The following TNIK variants were observed in gnomAD, a reference collection of about 807,000 sequenced individuals.
TNIK encodes TRAF2 and NCK-interacting protein kinase.
A neutral mutation model predicts 191.3 loss-of-function variants in TNIK; 49 were observed. That is an observed-to-expected ratio of 0.26 (90% CI 0.20 to 0.32). The LOEUF is 0.32. Ranked by LOEUF, TNIK falls within the 10% of genes least tolerant of loss-of-function variation. The pLI, the probability that TNIK is intolerant of heterozygous loss-of-function variation, is 1.00. For missense variants in TNIK, 1,155 were observed against 1,702.3 expected (o/e 0.68, Z 5.66); for synonymous variants, 594 against 600.9 (o/e 0.99, Z 0.17).
At chr3:171,071,876 C>T (rs984126697) in intron 28 of TNIK, among the ~76,000 whole-genome samples, 2 of 152,114 alleles carry the variant, frequency 1.3e-5, no homozygotes, top group African/African-American at 4.8e-5. Context: ...GCTACGAATA[C>T]TGACAAATCC....
Position 171,085,207 on chromosome 3 carries a change from T to C in TNIK, c.2909A>G (p.Lys970Arg), listed in dbSNP as rs376772380. The C allele has an allele frequency of 6.2e-7, 1 of 1,610,664 alleles. No homozygotes were observed. The highest frequency in any genetic ancestry group is 8.5e-7 in the Non-Finnish European group (1 of 1,178,438). The stretch of plus-strand genomic sequence containing the variant: ...GTCCACAAAGGGGGTGAAGGAGGCT[T>C]TGGTGCTGCTCCCCATGCCATACTA... ...GTEYGMGSST[K>R]ASFTPFVDPR... Residue 970 changes from lysine to arginine, a missense_variant, in exon 25 of 33, where the codon AAA becomes AGA. Lys to Arg is a conservative substitution (Grantham distance 26, BLOSUM62 2). Around this residue, in one of 3 missense-constraint regions of TNIK, gnomAD observed 735 missense variants for 848.0 expected, o/e 0.87. Coordinates refer to ENST00000436636, the MANE Select transcript of TNIK (RefSeq NM_015028.4).
At chr3:171,148,448 A>G (rs1332564490) in intron 12 of TNIK, among the ~76,000 whole-genome samples, 25 of 152,250 alleles carry the variant, frequency 1.6e-4, no homozygotes, top group Admixed American at 1.6e-3. Flanking sequence ...ACAGAGGAGC[A>G]AGAATGGCCT....
chr3:171,325,837 G>A (rs774240579), intron 2 of TNIK, among the ~76,000 whole-genome samples: 4 of 152,172 alleles, frequency 2.6e-5, no homozygotes, highest in Non-Finnish European at 4.4e-5. Flanking sequence ...CATAGTACTC[G>A]GGGGAACCTG....
intron 2 of TNIK, among the ~76,000 whole-genome samples, chr3:171,349,576 A>G (rs534293163): frequency 6.6e-6 from 1 of 152,310 alleles, no homozygotes; most frequent in South Asian, 2.1e-4. Flanking sequence ...AGTGTCACAC[A>G]ATTAGATTGT....
intron 12 of TNIK, among the ~76,000 whole-genome samples, chr3:171,151,871 G>A (rs1274252030): frequency 3.3e-5 from 5 of 152,178 alleles, no homozygotes; most frequent in Non-Finnish European, 5.9e-5. Flanking sequence ...AGGAGCATTT[G>A]GAAGAAGCTA....
intron 2 of TNIK, among the ~76,000 whole-genome samples, chr3:171,235,352 C>G (rs1577203352): frequency 6.6e-6 from 1 of 152,252 alleles, no homozygotes; most frequent in South Asian, 2.1e-4. Context: ...TCATCTGTGG[C>G]TTTCATACAT....
intron 14 of TNIK, among the ~76,000 whole-genome samples, chr3:171,139,009 G>A (rs1576933728): frequency 6.6e-6 from 1 of 152,130 alleles, no homozygotes; most frequent in South Asian, 2.1e-4. Flanking sequence ...GACACAAAAT[G>A]TTCCCATCGT....
intron 4 of TNIK, among the ~76,000 whole-genome samples, chr3:171,202,247 CAATTTTGTCCAAAGATCCAATCATAG>C (rs1739511480): frequency 6.6e-6 from 1 of 151,794 alleles, no homozygotes; most frequent in Non-Finnish European, 1.5e-5. Flanking sequence ...CACTACATGT[CAATTTTGTCCAAAGATCCAATCATAG>C]AAGCTAACTT....
At chr3:171,212,165 T>TC (rs1039458408) in intron 3 of TNIK, among the ~76,000 whole-genome samples, 2 of 152,056 alleles carry the variant, frequency 1.3e-5, no homozygotes, top group African/African-American at 4.8e-5. Flanking sequence ...ACCCATGGTG[T>TC]CCCCTGTCTG....
chr3:171,430,628 C>G (rs1178399288), intron 1 of TNIK, among the ~76,000 whole-genome samples: 1 of 133,176 alleles, frequency 7.5e-6, no homozygotes, highest in South Asian at 2.5e-4. Flanking sequence ...CAGAGTGACA[C>G]CTTGTCTCAA....
At chr3:171,104,297 C>T (rs1724268763) in intron 21 of TNIK, among the ~76,000 whole-genome samples, 2 of 152,174 alleles carry the variant, frequency 1.3e-5, no homozygotes, top group South Asian at 4.1e-4. Context: ...CTAATATTAA[C>T]ACCATTGGGT....
intron 2 of TNIK, among the ~76,000 whole-genome samples, chr3:171,286,581 A>G (rs35894317): frequency 0.026 from 3,889 of 152,242 alleles, 59 homozygotes; most frequent in Middle Eastern, 0.037. Flanking sequence ...GTTGCAGTGA[A>G]CTGAGATTAT....
At chr3:171,317,826 A>C (rs886593760) in intron 2 of TNIK, among the ~76,000 whole-genome samples, 1 of 152,194 alleles carries the variant, frequency 6.6e-6, no homozygotes, top group South Asian at 2.1e-4. Flanking sequence ...TGTGTGCCCA[A>C]AAGGAGTGAG....
Position 171,177,392 on chromosome 3 carries a change from G to A in TNIK, c.640-12C>T, listed in dbSNP as rs1343040081. The A allele has an allele frequency of 1.9e-6, 3 of 1,601,378 alleles. No individual in the cohort carries two copies. The highest frequency in any genetic ancestry group is 1.7e-4 in the Middle Eastern group (1 of 6,044). On this transcript the variant is annotated splice_polypyrimidine_tract_variant and intron_variant, in intron 7 of 32. Coordinates refer to ENST00000436636, the MANE Select transcript of TNIK (RefSeq NM_015028.4). ...GACCACAAGTCACTCTGAAAAAGAA[G>A]GGGCAGACACACACATAAATTCAGT... is the stretch of plus-strand genomic sequence containing the variant.
intron 1 of TNIK, among the ~76,000 whole-genome samples, chr3:171,398,432 T>C (rs1720509213): frequency 2.6e-5 from 4 of 152,230 alleles, no homozygotes; most frequent in African/African-American, 4.8e-5. Flanking sequence ...TGGGAATCCA[T>C]ATCTTCTATT....
At chr3:171,205,367 G>A (rs1191149147) in intron 4 of TNIK, among the ~76,000 whole-genome samples, 1 of 152,190 alleles carries the variant, frequency 6.6e-6, no homozygotes, top group Non-Finnish European at 1.5e-5. Context: ...AGAAGGGATG[G>A]TCAGAGCAGC....
rs142588172 is a variant in TNIK, at chr3:171,444,954, A to G, written c.57+15053T>C. 2.2e-3 allele frequency among the ~76,000 whole-genome samples: 338 copies of G among 152,124 alleles called. 4 individuals are homozygous for G. Among genetic ancestry groups the G allele is most frequent in the African/African-American group, 7.9e-3 (329 of 41,506 alleles). ...GATTTCACACTCCTGGGCTCAAGTGAAGCTTCCACCTTGGCCTCCCAAAGT... is the reference window on the plus strand; with the variant it reads ...GATTTCACACTCCTGGGCTCAAGTGGAGCTTCCACCTTGGCCTCCCAAAGT... On this transcript the variant is annotated intron_variant, in intron 1 of 32. Transcript: ENST00000436636.
intron 2 of TNIK, among the ~76,000 whole-genome samples, chr3:171,278,885 C>A (rs900932169): frequency 1.3e-5 from 2 of 152,084 alleles, no homozygotes; most frequent in African/African-American, 4.8e-5. Flanking sequence ...AGAATTGTAT[C>A]AGAATTTCAG....
Position 171,225,258 on chromosome 3 carries a change from A to C in TNIK, c.180+2907T>G, listed in dbSNP as rs375502569. ...GCACCACGTGAGTTTCACAAAGGAAATCTTATGTTGACTGTGATGTGTAAG... is the reference window on the plus strand; with the variant it reads ...GCACCACGTGAGTTTCACAAAGGAACTCTTATGTTGACTGTGATGTGTAAG... On this transcript the variant is annotated intron_variant, in intron 3 of 32. Transcript: ENST00000436636. Among the ~76,000 whole-genome samples the C allele has an allele frequency of 1.1e-3, 161 of 152,316 alleles. 2 individuals are homozygous for C. The South Asian group carries it at 0.033, about 31-fold the overall frequency.
Sources: allele counts gnomAD v4.1 joint callset (sites outside exome capture counted in the v4.1 genomes callset), GRCh38; gene constraint gnomAD v4.1.1; regional missense constraint gnomAD v4.1.1; transcripts MANE v1.5; gene names NCBI Gene and HGNC (gene_info 2026-07-23, HGNC 2026-07-21).